Variants in CNTNAP2 observed in about 807,000 individuals in gnomAD.
CNTNAP2 encodes contactin-associated protein-like 2.
Under a neutral mutation model 155.2 loss-of-function variants are expected in CNTNAP2, and 98 were observed. The ratio of observed to expected loss-of-function variants is 0.63; its 90% confidence interval spans 0.54 to 0.75. CNTNAP2 has a LOEUF of 0.75. Ranked by LOEUF, CNTNAP2 falls within the 30% of genes least tolerant of loss-of-function variation. The probability of loss-of-function intolerance (pLI) is 0.00; values close to 1 mark genes in which losing one functional copy is unlikely to be tolerated. For synonymous variants in CNTNAP2, 651 were observed against 631.2 expected (o/e 1.03, Z -0.47); for missense variants, 1,727 against 1,688.1 (o/e 1.02, Z -0.40).
intron 3 of CNTNAP2, among the ~76,000 whole-genome samples, chr7:146,943,064 CT>C (rs1203649524): frequency 6.6e-6 from 1 of 152,180 alleles, no homozygotes; most frequent in Admixed American, 6.5e-5. Flanking sequence ...ACAGACCCCC[CT>C]GTCATGCAGT....
intron 13 of CNTNAP2, among the ~76,000 whole-genome samples, chr7:147,833,102 G>A (rs1798579631): frequency 6.7e-6 from 1 of 148,350 alleles, no homozygotes; most frequent in East Asian, 2.0e-4. Flanking sequence ...TACTGAGTCC[G>A]TTTATTTGGT....
At chr7:148,353,110 GCC>G (rs1798456023) in intron 21 of CNTNAP2, among the ~76,000 whole-genome samples, 1 of 152,234 alleles carries the variant, frequency 6.6e-6, no homozygotes, top group African/African-American at 2.4e-5. Context: ...GGGTCCTGGA[GCC>G]CCGGCAGCCT....
chr7:147,911,934 C>T (rs986164547), intron 14 of CNTNAP2, among the ~76,000 whole-genome samples: 2 of 152,100 alleles, frequency 1.3e-5, no homozygotes, highest in African/African-American at 2.4e-5. Flanking sequence ...TTCTTTTTAA[C>T]GTCTACTTTT....
intron 1 of CNTNAP2, among the ~76,000 whole-genome samples, chr7:146,154,277 A>G (rs1798092985): frequency 6.6e-6 from 1 of 152,130 alleles, no homozygotes; most frequent in Non-Finnish European, 1.5e-5. Flanking sequence ...GTTGCTATAT[A>G]TTCCCCCCAA....
intron 3 of CNTNAP2, among the ~76,000 whole-genome samples, chr7:146,902,405 T>C (rs1050386684): frequency 6.6e-6 from 1 of 152,234 alleles, no homozygotes; most frequent in Non-Finnish European, 1.5e-5. Flanking sequence ...CTTCTAGTAC[T>C]TAAATAACTG....
chr7:146,322,120 G>A (rs1287657240), intron 1 of CNTNAP2, among the ~76,000 whole-genome samples: 1 of 152,126 alleles, frequency 6.6e-6, no homozygotes, highest in Non-Finnish European at 1.5e-5. Flanking sequence ...TGGGTTGAGG[G>A]GAAGGAAGGT....
chr7:148,091,243 A>G (rs1337577828), intron 15 of CNTNAP2, among the ~76,000 whole-genome samples: 1 of 152,054 alleles, frequency 6.6e-6, no homozygotes, highest in Non-Finnish European at 1.5e-5. Context: ...AAAAAGATAA[A>G]TTTTTCAGAT....
Position 147,015,572 on chromosome 7 carries a change from T to C in CNTNAP2, c.403-28335T>C, listed in dbSNP as rs189294283. On this transcript the variant is annotated intron_variant, in intron 3 of 23. Transcript: ENST00000361727. ...TCATAAAAGAGAACCTTGGAGATGC[T>C]GTGGTAATGAGCAGGTGGTAACAAT... is the stretch of plus-strand genomic sequence containing the variant. Among the ~76,000 whole-genome samples, 400 of 152,230 alleles carry C rather than the reference T, an allele frequency of 2.6e-3. 5 individuals carry two copies. Among genetic ancestry groups the C allele is most frequent in the African/African-American group, 8.9e-3 (369 of 41,554 alleles).
chr7:147,898,960 G>T lies in CNTNAP2; in HGVS notation c.2099-4605G>T, dbSNP rs1413403333. Among the ~76,000 whole-genome samples, 6 of 87,994 alleles carry T rather than the reference G, an allele frequency of 6.8e-5. No homozygotes were observed. In the South Asian group the frequency reaches 2.0e-3, roughly 29 times the overall value. 57.7% of individuals were successfully genotyped at this position (87,994 alleles called of 152,430 possible). On this transcript the variant is annotated intron_variant, in intron 13 of 23. Coordinates refer to ENST00000361727, the MANE Select transcript of CNTNAP2 (RefSeq NM_014141.6). ...AGGTTCATCCATGTTGTCACATATT[G>T]CAAAATGTCTTTTTTAGGTCTGAAT...
intron 21 of CNTNAP2, among the ~76,000 whole-genome samples, chr7:148,330,516 G>T (rs1585278709): frequency 6.7e-6 from 1 of 150,146 alleles, no homozygotes; most frequent in Non-Finnish European, 1.5e-5. Context: ...GTGGATGGAT[G>T]GAGTGGATGG....
chr7:146,968,328 A>T (rs1446603414), intron 3 of CNTNAP2, among the ~76,000 whole-genome samples: 1 of 152,060 alleles, frequency 6.6e-6, no homozygotes, highest in Non-Finnish European at 1.5e-5. Context: ...GCCTCATAAA[A>T]TGAGTTAGGG....
At chr7:147,970,754 A>G (rs1214959670) in intron 14 of CNTNAP2, among the ~76,000 whole-genome samples, 3 of 152,210 alleles carry the variant, frequency 2.0e-5, no homozygotes, top group Admixed American at 6.5e-5. Context: ...TTTTATTGTT[A>G]AGCTTGTCCT....
chr7:146,225,680 T>C (rs1342435921), intron 1 of CNTNAP2, among the ~76,000 whole-genome samples: 3 of 152,226 alleles, frequency 2.0e-5, no homozygotes, highest in Non-Finnish European at 4.4e-5. Flanking sequence ...ATGTGTGTTA[T>C]CTACCCTGTT....
intron 1 of CNTNAP2, among the ~76,000 whole-genome samples, chr7:146,641,325 C>CA (rs1459857748): frequency 3.9e-5 from 6 of 151,934 alleles, no homozygotes; most frequent in African/African-American, 1.2e-4. Flanking sequence ...GACTCCGTCT[C>CA]AAAAAAATAA....
At chr7:147,948,977 G>A (rs1323965671) in intron 14 of CNTNAP2, among the ~76,000 whole-genome samples, 1 of 151,988 alleles carries the variant, frequency 6.6e-6, no homozygotes. Context: ...TGAGGCGGGT[G>A]GATCACCTGA....
At chr7:146,949,083 C>A (rs1374195896) in intron 3 of CNTNAP2, among the ~76,000 whole-genome samples, 1 of 152,132 alleles carries the variant, frequency 6.6e-6, no homozygotes, top group South Asian at 2.1e-4. Flanking sequence ...GGCCTTTAAC[C>A]GACTGTGTAA....
At chr7:148,136,021 G>A (rs182084259) in intron 16 of CNTNAP2, among the ~76,000 whole-genome samples, 3,494 of 12,288 alleles carry the variant, frequency 0.28, 302 homozygotes, top group African/African-American at 0.43. Flanking sequence ...GGAAGGAAGG[G>A]AGGGAGGGAG....
chr7:146,907,893 C>A (rs1022539031), intron 3 of CNTNAP2, among the ~76,000 whole-genome samples: 206 of 152,240 alleles, frequency 1.4e-3, no homozygotes, highest in African/African-American at 4.7e-3. Context: ...AGTGTGCTGT[C>A]TTCAGGAAAC....
chr7:146,920,550 T>G (rs765878076), intron 3 of CNTNAP2, among the ~76,000 whole-genome samples: 16 of 152,158 alleles, frequency 1.1e-4, no homozygotes, highest in Non-Finnish European at 1.0e-4. Context: ...CAATATATAA[T>G]TAAAAAGAAA....
Sources: allele counts gnomAD v4.1 joint callset (sites outside exome capture counted in the v4.1 genomes callset), GRCh38; gene constraint gnomAD v4.1.1; transcripts MANE v1.5; gene names NCBI Gene and HGNC (gene_info 2026-07-23, HGNC 2026-07-21).